ME3: variants seen among roughly 807,000 people sequenced by gnomAD.
The protein encoded by ME3 is NADP-dependent malic enzyme, mitochondrial.
A neutral mutation model predicts 68.9 loss-of-function variants in ME3; 48 were observed. The ratio of observed to expected loss-of-function variants is 0.70; its 90% CI spans 0.55 to 0.89. ME3 has a LOEUF of 0.89. Ranked by LOEUF, ME3 falls within the 40% of genes least tolerant of loss-of-function variation. The pLI, the probability that ME3 is intolerant of heterozygous loss-of-function variation, is 0.00. For missense variants in ME3, 675 were observed against 797.4 expected (o/e 0.85, Z 1.85); for synonymous variants, 320 against 318.8 (o/e 1.00, Z -0.04).
At chr11:86,578,902 G>A (rs1297386942) in intron 2 of ME3, among the ~76,000 whole-genome samples, 1 of 152,212 alleles carries the variant, frequency 6.6e-6, no homozygotes, top group East Asian at 1.9e-4. Flanking sequence ...GGCTGTCAAA[G>A]TGTCATTCCC....
chr11:86,551,201 A>G (rs1004075398), intron 4 of ME3, among the ~76,000 whole-genome samples: 2 of 152,158 alleles, frequency 1.3e-5, no homozygotes, highest in African/African-American at 2.4e-5. Flanking sequence ...GAAGTTTACA[A>G]TTGATAAAGC....
At chr11:86,547,389 C>G (rs552552701) in intron 4 of ME3, among the ~76,000 whole-genome samples, 34 of 144,976 alleles carry the variant, frequency 2.3e-4, no homozygotes, top group African/African-American at 8.3e-4. Flanking sequence ...AACAGAAAAC[C>G]AAACACTGCA....
chr11:86,522,959 C>CG (rs1160916016), intron 4 of ME3, among the ~76,000 whole-genome samples: 1 of 151,948 alleles, frequency 6.6e-6, no homozygotes, highest in Non-Finnish European at 1.5e-5. Context: ...TTTTGGTATC[C>CG]GGGGGGAAGG....
At chr11:86,504,380 C>CCT (rs1952923524) in intron 5 of ME3, among the ~76,000 whole-genome samples, 2 of 77,406 alleles carry the variant, frequency 2.6e-5, no homozygotes, top group African/African-American at 1.0e-4. Context: ...CCTATACATT[C>CCT]TTTTTTTTTT....
chr11:86,659,556 G>C (rs1165056262), intron 2 of ME3, among the ~76,000 whole-genome samples: 3 of 152,170 alleles, frequency 2.0e-5, no homozygotes, highest in Non-Finnish European at 4.4e-5. Flanking sequence ...TGATCATCTT[G>C]TGTTCCAACA....
intron 2 of ME3, among the ~76,000 whole-genome samples, chr11:86,641,189 G>T (rs989091882): frequency 1.3e-5 from 2 of 152,066 alleles, no homozygotes; most frequent in African/African-American, 4.8e-5. Flanking sequence ...GGACAAAATA[G>T]GAGAAAAGTC....
chr11:86,516,151 AC>A (rs1454286872), intron 4 of ME3, among the ~76,000 whole-genome samples: 1 of 152,174 alleles, frequency 6.6e-6, no homozygotes, highest in Non-Finnish European at 1.5e-5. Flanking sequence ...CAGGACAAAA[AC>A]AAAAATAATT....
At chr11:86,557,650 A>G (rs969034) in intron 3 of ME3, among the ~76,000 whole-genome samples, 95,881 of 151,324 alleles carry the variant, frequency 0.63, 30,984 homozygotes, top group Non-Finnish European at 0.7. Context: ...CAAAGGAATT[A>G]CTCCTTTGGT....
chr11:86,498,095 G>T, exon 6 of ME3: 1 of 1,613,200 alleles, frequency 6.2e-7, no homozygotes, highest in Non-Finnish European at 8.5e-7. Flanking sequence ...CCAGGCCCAG[G>T]ATGCGCTCCC....
chr11:86,578,864 C>G (rs1823126791), intron 2 of ME3, among the ~76,000 whole-genome samples: 1 of 152,156 alleles, frequency 6.6e-6, no homozygotes, highest in African/African-American at 2.4e-5. Context: ...AACTTTGCTA[C>G]TCATTAGAAC....
At chr11:86,556,799 T>C (rs1377038363) in intron 3 of ME3, 97 bp from the exon 4 acceptor site, 1 of 1,368,950 alleles carries the variant, frequency 7.3e-7, no homozygotes, top group African/African-American at 1.4e-5. Context: ...CTGTTCCTGC[T>C]CAGCCCGGAA....
At chr11:86,530,192 T>A (rs1160685814) in intron 4 of ME3, among the ~76,000 whole-genome samples, 5 of 152,144 alleles carry the variant, frequency 3.3e-5, no homozygotes, top group Non-Finnish European at 5.9e-5. Context: ...ATCACAAGCA[T>A]TCTTATACAC....
At chr11:86,562,927 G>A (rs938811203) in intron 2 of ME3, among the ~76,000 whole-genome samples, 1 of 151,984 alleles carries the variant, frequency 6.6e-6, no homozygotes, top group Non-Finnish European at 1.5e-5. Flanking sequence ...GTGGTATTTG[G>A]ATTTCTGTTC....
intron 2 of ME3, among the ~76,000 whole-genome samples, chr11:86,654,251 C>A (rs183240534): frequency 2.6e-4 from 39 of 152,282 alleles, no homozygotes; most frequent in Admixed American, 2.4e-3. Context: ...TTTTATGAGG[C>A]CAGCATCATC....
At chr11:86,499,149 G>A (rs1322757228) in intron 5 of ME3, among the ~76,000 whole-genome samples, 1 of 152,104 alleles carries the variant, frequency 6.6e-6, no homozygotes, top group Non-Finnish European at 1.5e-5. Flanking sequence ...GGGGAGAAGG[G>A]CATTTGATAC....
rs1208825842 is a variant in ME3 at position 86,655,620 on chromosome 11, C to T, written c.183+16142G>A. Among the ~76,000 whole-genome samples the T allele has an allele frequency of 2.0e-4, 30 of 151,870 alleles. 1 individual carries two copies. Among genetic ancestry groups the T allele is most frequent in the Middle Eastern group, 3.2e-3 (1 of 316 alleles). On this transcript the variant is annotated intron_variant, in intron 2 of 14. Transcript: ENST00000543262. Reference sequence around the variant, plus strand: ...ATTCAAGATGGATTAAAGACTTAAACGTTAGACCTAAAACCATAAAAACCC... The same window carrying T: ...ATTCAAGATGGATTAAAGACTTAAATGTTAGACCTAAAACCATAAAAACCC...
At chr11:86,501,253 T>A (rs560080240) in intron 5 of ME3, among the ~76,000 whole-genome samples, 14 of 152,084 alleles carry the variant, frequency 9.2e-5, no homozygotes, top group South Asian at 2.1e-4. Flanking sequence ...TTTAACCTGG[T>A]GCCTTGTATA....
At chr11:86,475,234 C>T (rs985330962) in intron 7 of ME3, among the ~76,000 whole-genome samples, 18 of 152,122 alleles carry the variant, frequency 1.2e-4, no homozygotes, top group Admixed American at 9.2e-4. Context: ...GTACTGTCCT[C>T]GTGATAGTGA....
At chr11:86,646,448 A>G (rs1363835149) in intron 2 of ME3, among the ~76,000 whole-genome samples, 2 of 152,238 alleles carry the variant, frequency 1.3e-5, no homozygotes, top group Non-Finnish European at 2.9e-5. Flanking sequence ...AATAAAGGAT[A>G]TCAGAGACTG....
Sources: allele counts gnomAD v4.1 joint callset (sites outside exome capture counted in the v4.1 genomes callset), GRCh38; gene constraint gnomAD v4.1.1; transcripts MANE v1.5; gene names NCBI Gene and HGNC (gene_info 2026-07-23, HGNC 2026-07-21).